The following GLT1D1 variants were observed in gnomAD, a reference collection of about 807,000 sequenced individuals.
GLT1D1 encodes glycosyltransferase 1 domain containing 1, also known as glycosyltransferase 1 domain-containing protein 1.
In GLT1D1, 21 loss-of-function variants were observed where a neutral mutation model predicts 28.7. That is an observed-to-expected ratio of 0.73 (90% CI 0.52 to 1.05). GLT1D1 has a LOEUF of 1.05. Ranked by LOEUF, GLT1D1 falls within the 50% of genes least tolerant of loss-of-function variation. The pLI is 0.00. For missense variants in GLT1D1, 343 were observed against 330.6 expected, an observed-to-expected ratio of 1.04 and a Z score of -0.29; for synonymous variants, 147 against 124.8, an observed-to-expected ratio of 1.18 and a Z score of -1.19.
chr12:128,872,428 G>A (rs1593060787), intron 1 of GLT1D1, among the ~76,000 whole-genome samples: 1 of 152,266 alleles, frequency 6.6e-6, no homozygotes, highest in African/African-American at 2.4e-5. Flanking sequence ...GGGCTGTCAG[G>A]AGAGTTCTCT....
At chr12:128,980,773 G>A (rs1031555489) in intron 7 of GLT1D1, among the ~76,000 whole-genome samples, 2 of 152,208 alleles carry the variant, frequency 1.3e-5, no homozygotes, top group African/African-American at 2.4e-5. Flanking sequence ...CATCACTTCC[G>A]ATATATCCTG....
chr12:128,884,989 G>T (rs1957144478), intron 2 of GLT1D1, among the ~76,000 whole-genome samples: 1 of 150,198 alleles, frequency 6.7e-6, no homozygotes, highest in South Asian at 2.1e-4. Context: ...TCCTGGGGTG[G>T]AGCAATCCTC....
intron 4 of GLT1D1, among the ~76,000 whole-genome samples, chr12:128,902,600 G>T (rs1593107050): frequency 6.6e-6 from 1 of 151,516 alleles, no homozygotes; most frequent in Non-Finnish European, 1.5e-5. Context: ...TACAGTGATC[G>T]GAAAGGCCAT....
chr12:128,924,179 C>T (rs928130817), intron 4 of GLT1D1, among the ~76,000 whole-genome samples: 2 of 152,134 alleles, frequency 1.3e-5, no homozygotes, highest in Middle Eastern at 3.4e-3. Context: ...GTAATCCTAA[C>T]ACTTTGGGAG....
At chr12:128,877,749 C>A (rs1460828098) in intron 2 of GLT1D1, among the ~76,000 whole-genome samples, 1 of 152,160 alleles carries the variant, frequency 6.6e-6, no homozygotes, top group Non-Finnish European at 1.5e-5. Flanking sequence ...ACAAATTACC[C>A]CCTGCCCCAA....
intron 4 of GLT1D1, chr12:128,906,799 G>T: frequency 5.5e-6 from 3 of 542,990 alleles, no homozygotes; most frequent in Admixed American, 2.5e-5. Context: ...CTTGGCACTT[G>T]TGAAAGAAAA....
At chr12:128,874,097 T>TC (rs1491516091) in intron 1 of GLT1D1, among the ~76,000 whole-genome samples, 32 of 27,582 alleles carry the variant, frequency 1.2e-3, no homozygotes, top group African/African-American at 2.2e-3. Context: ...TCTTTCTTTC[T>TC]TTCTCTCTCT....
intron 3 of GLT1D1, among the ~76,000 whole-genome samples, chr12:128,896,029 T>C (rs539292807): frequency 1.5e-4 from 23 of 152,290 alleles, no homozygotes; most frequent in African/African-American, 5.1e-4. Flanking sequence ...GACCGGACCA[T>C]TCAGCTTACC....
intron 7 of GLT1D1, among the ~76,000 whole-genome samples, chr12:128,960,996 G>A (rs1011703126): frequency 2.6e-5 from 4 of 152,150 alleles, no homozygotes; most frequent in Admixed American, 6.6e-5. Context: ...AGTTCAACAG[G>A]TTAGATTGTA....
chr12:128,895,005 G>A (rs1869467536), intron 3 of GLT1D1, among the ~76,000 whole-genome samples: 1 of 151,760 alleles, frequency 6.6e-6, no homozygotes, highest in Admixed American at 6.6e-5. Context: ...GAGATGCTTT[G>A]AGCTGATGCC....
chr12:128,948,598 G>A (rs749799555), intron 6 of GLT1D1, among the ~76,000 whole-genome samples: 8 of 152,180 alleles, frequency 5.3e-5, no homozygotes, highest in Non-Finnish European at 8.8e-5. Flanking sequence ...GGTTTCATGT[G>A]TTCTTTCTGA....
At chr12:128,970,722 A>G (rs1878954894) in intron 7 of GLT1D1, among the ~76,000 whole-genome samples, 1 of 152,188 alleles carries the variant, frequency 6.6e-6, no homozygotes, top group Non-Finnish European at 1.5e-5. Context: ...CTTGGTTGAA[A>G]TCACCTTGGA....
intron 5 of GLT1D1, among the ~76,000 whole-genome samples, chr12:128,946,575 C>G (rs1020392079): frequency 8.0e-5 from 12 of 150,496 alleles, no homozygotes; most frequent in South Asian, 2.1e-4. Context: ...ACCTCGTGAT[C>G]ACCCGCTTTG....
chr12:128,982,678 GTGTGTGTGCA>G (rs1254830181), intron 7 of GLT1D1, among the ~76,000 whole-genome samples: 3 of 151,888 alleles, frequency 2.0e-5, no homozygotes, highest in South Asian at 4.1e-4. Flanking sequence ...ATATGTGTGC[GTGTGTGTGCA>G]TGTGTGTGCA....
chr12:128,938,301 A>G (rs1874769190), intron 4 of GLT1D1, among the ~76,000 whole-genome samples: 1 of 152,238 alleles, frequency 6.6e-6, no homozygotes, highest in African/African-American at 2.4e-5. Flanking sequence ...AGTATTAACT[A>G]TTAATGGCAA....
intron 4 of GLT1D1, among the ~76,000 whole-genome samples, chr12:128,928,220 T>C (rs1363350731): frequency 1.3e-5 from 2 of 152,056 alleles, no homozygotes; most frequent in African/African-American, 4.8e-5. Flanking sequence ...AGATGGCAGG[T>C]GACACCTTTG....
At chr12:128,970,142 G>C (rs1256717837) in intron 7 of GLT1D1, among the ~76,000 whole-genome samples, 1 of 152,212 alleles carries the variant, frequency 6.6e-6, no homozygotes, top group African/African-American at 2.4e-5. Context: ...ATGGTGACAT[G>C]TTGGCACTGG....
chr12:128,956,171 A>AAAAAAAAAAAAAAAAAAAAAAG lies in GLT1D1; in HGVS notation c.541-1373_541-1372insAAAAAAAAAAAAAAAAAAAAGA, dbSNP rs374597920. On this transcript the variant is annotated intron_variant, in intron 6 of 7. Coordinates refer to ENST00000281703, the MANE Select transcript of GLT1D1 (RefSeq NM_144669.3). The stretch of plus-strand genomic sequence containing the variant: ...GAGACTCCATCTCAAAAAAAAAAAA[A>AAAAAAAAAAAAAAAAAAAAAAG]AGAGAAAGAGAGAAAGAAAGAAAGA... 1.4e-3 allele frequency among the ~76,000 whole-genome samples: 91 copies of AAAAAAAAAAAAAAAAAAAAAAG among 63,946 alleles called. 8 individuals are homozygous for AAAAAAAAAAAAAAAAAAAAAAG. Among genetic ancestry groups the AAAAAAAAAAAAAAAAAAAAAAG allele is most frequent in the African/African-American group, 3.0e-3 (67 of 22,316 alleles). 42.0% of individuals were successfully genotyped at this position (63,946 alleles called of 152,430 possible).
chr12:128,963,894 G>A (rs918140248), intron 7 of GLT1D1, among the ~76,000 whole-genome samples: 1 of 152,174 alleles, frequency 6.6e-6, no homozygotes. Flanking sequence ...CTGCATCATC[G>A]GCCCATCATG....
Sources: allele counts gnomAD v4.1 joint callset (sites outside exome capture counted in the v4.1 genomes callset), GRCh38; gene constraint gnomAD v4.1.1; transcripts MANE v1.5; gene names NCBI Gene and HGNC (gene_info 2026-07-23, HGNC 2026-07-21).